LDB2: variants seen among roughly 807,000 people sequenced by gnomAD.
LDB2 encodes LIM domain binding 2, also known as LIM domain-binding protein 2.
LDB2 carries 12 observed loss-of-function variants against 44.3 expected under a neutral mutation model. The observed-to-expected ratio is 0.27, with a 90% CI of 0.17 to 0.44. The LOEUF (loss-of-function observed/expected upper bound fraction) is 0.44. Ranked by LOEUF, LDB2 falls within the 20% of genes least tolerant of loss-of-function variation. The probability of loss-of-function intolerance (pLI) is 1.00; values close to 1 mark genes in which losing one functional copy is unlikely to be tolerated. For missense variants in LDB2, 344 were observed against 473.5 expected, an observed-to-expected ratio of 0.73 and a Z score of 2.54; for synonymous variants, 164 against 174.8, an observed-to-expected ratio of 0.94 and a Z score of 0.49.
chr4:16,716,198 CT>C (rs1432954034), intron 2 of LDB2, among the ~76,000 whole-genome samples: 10 of 152,254 alleles, frequency 6.6e-5, no homozygotes, highest in Non-Finnish European at 1.3e-4. Context: ...GAGCTTTAAG[CT>C]TTCAAAGAGG....
rs575369630 is a variant in LDB2, at chr4:16,690,291, T to A, written c.235+68867A>T. 2.2e-4 allele frequency among the ~76,000 whole-genome samples: 33 copies of A among 151,446 alleles called. No homozygotes were observed. The South Asian group carries it at 6.9e-3, about 32-fold the overall frequency. Reference sequence around the variant, plus strand: ...GCCTGGGCAACATGAGAAAACACCATCTCTACTAAAAATACAAAAAAATTA... The same window carrying A: ...GCCTGGGCAACATGAGAAAACACCAACTCTACTAAAAATACAAAAAAATTA... On this transcript the variant is annotated intron_variant, in intron 2 of 7. Coordinates refer to ENST00000304523, the MANE Select transcript of LDB2 (RefSeq NM_001290.5).
chr4:16,894,964 C>T (rs1724485807), intron 1 of LDB2, among the ~76,000 whole-genome samples: 1 of 151,738 alleles, frequency 6.6e-6, no homozygotes, highest in Non-Finnish European at 1.5e-5. Context: ...AGGAAAAATA[C>T]ATAACGGAAC....
intron 1 of LDB2, among the ~76,000 whole-genome samples, chr4:16,802,175 C>T (rs1777960912): frequency 6.6e-6 from 1 of 152,222 alleles, no homozygotes; most frequent in African/African-American, 2.4e-5. Context: ...GGACGCCCAT[C>T]CTCTTTGTGG....
intron 2 of LDB2, among the ~76,000 whole-genome samples, chr4:16,608,206 CAAAAAAAAAAAA>C (rs71649969): frequency 3.4e-4 from 23 of 68,502 alleles, no homozygotes; most frequent in African/African-American, 1.2e-3. Flanking sequence ...CACACTTCTT[CAAAAAAAAAAAA>C]AAAAAAAAAA....
chr4:16,692,093 T>C (rs2152601505), intron 2 of LDB2, among the ~76,000 whole-genome samples: 1 of 152,110 alleles, frequency 6.6e-6, no homozygotes, highest in Non-Finnish European at 1.5e-5. Context: ...AGATTGAAAG[T>C]AGCAGCCTTT....
intron 5 of LDB2, among the ~76,000 whole-genome samples, chr4:16,580,893 A>G (rs1714110610): frequency 2.6e-5 from 4 of 152,210 alleles, no homozygotes; most frequent in Admixed American, 1.3e-4. Context: ...GACATCAATT[A>G]CTTCTCCAAT....
intron 1 of LDB2, among the ~76,000 whole-genome samples, chr4:16,826,276 GA>G (rs1335251368): frequency 6.6e-6 from 1 of 152,158 alleles, no homozygotes; most frequent in African/African-American, 2.4e-5. Context: ...GTCACAGAAT[GA>G]AAGTCTTCAG....
chr4:16,627,282 T>G (rs1730534190), intron 2 of LDB2, among the ~76,000 whole-genome samples: 1 of 152,186 alleles, frequency 6.6e-6, no homozygotes, highest in South Asian at 2.1e-4. Flanking sequence ...TAAATGTGTG[T>G]GGTAATTATT....
At chr4:16,642,457 A>G (rs573561559) in intron 2 of LDB2, among the ~76,000 whole-genome samples, 1 of 152,374 alleles carries the variant, frequency 6.6e-6, no homozygotes, top group African/African-American at 2.4e-5. Context: ...ACATGAATTT[A>G]GTAAACTTAG....
intron 1 of LDB2, among the ~76,000 whole-genome samples, chr4:16,777,294 G>C (rs1772144499): frequency 6.6e-6 from 1 of 152,172 alleles, no homozygotes; most frequent in East Asian, 1.9e-4. Flanking sequence ...CTCATGGTCT[G>C]GGAGGTGAGA....
intron 2 of LDB2, among the ~76,000 whole-genome samples, chr4:16,615,695 C>T (rs1386075445): frequency 1.3e-5 from 2 of 152,038 alleles, no homozygotes; most frequent in African/African-American, 4.8e-5. Context: ...AACAAACCTG[C>T]ACATTCTGCA....
chr4:16,756,130 G>A (rs552954598), intron 2 of LDB2, among the ~76,000 whole-genome samples: 10 of 152,150 alleles, frequency 6.6e-5, no homozygotes, highest in African/African-American at 1.9e-4. Flanking sequence ...TTATACTGCC[G>A]GGACTTTTGT....
Position 16,673,383 on chromosome 4 carries a change from C to G in LDB2, c.236-77508G>C, listed in dbSNP as rs539633795. Among the ~76,000 whole-genome samples the G allele has an allele frequency of 7.4e-4, 112 of 152,230 alleles. 1 individual carries two copies. Among genetic ancestry groups the G allele is most frequent in the African/African-American group, 2.6e-3 (107 of 41,538 alleles). ...AATAATTATTAGAAGTAGTAGAACT[C>G]CAAAGTCAAGGTTACTCCTGCTGCT... On this transcript the variant is annotated intron_variant, in intron 2 of 7. Transcript: ENST00000304523.
chr4:16,628,727 C>A (rs1361734167), intron 2 of LDB2, among the ~76,000 whole-genome samples: 2 of 152,010 alleles, frequency 1.3e-5, no homozygotes, highest in Non-Finnish European at 2.9e-5. Context: ...AACTGAGGTA[C>A]CTGGTTCATC....
At chr4:16,594,693 C>A (rs1446858189) in intron 3 of LDB2, among the ~76,000 whole-genome samples, 1 of 152,170 alleles carries the variant, frequency 6.6e-6, no homozygotes, top group African/African-American at 2.4e-5. Flanking sequence ...AGCAAAATTG[C>A]ATAAGTAATA....
At position 16,568,422 on chromosome 4, in the gene LDB2, G is replaced by A. The variant is rs553206062; in HGVS notation, c.615+17500C>T. ...GAGAATGGACATTGAGGGTAAGTGAGGGATGTCTGTTTTTGCAAGAGAACC... is the reference window on the plus strand; with the variant it reads ...GAGAATGGACATTGAGGGTAAGTGAAGGATGTCTGTTTTTGCAAGAGAACC... On this transcript the variant is annotated intron_variant, in intron 5 of 7. Transcript: ENST00000304523. 6.6e-5 allele frequency among the ~76,000 whole-genome samples: 10 copies of A among 152,298 alleles called. No homozygotes were observed. In the East Asian group the frequency reaches 1.9e-3, roughly 29 times the overall value.
At chr4:16,804,734 G>A (rs939005780) in intron 1 of LDB2, among the ~76,000 whole-genome samples, 3 of 152,188 alleles carry the variant, frequency 2.0e-5, no homozygotes, top group Non-Finnish European at 2.9e-5. Flanking sequence ...TGCCATTTGG[G>A]AGGAGAGCTA....
chr4:16,652,191 C>A (rs1024801426), intron 2 of LDB2, among the ~76,000 whole-genome samples: 1 of 152,142 alleles, frequency 6.6e-6, no homozygotes, highest in Admixed American at 6.5e-5. Context: ...AAGTGATCCT[C>A]CCACCTTGCC....
chr4:16,872,543 T>G (rs1300673572), intron 1 of LDB2, among the ~76,000 whole-genome samples: 1 of 152,180 alleles, frequency 6.6e-6, no homozygotes, highest in Non-Finnish European at 1.5e-5. Context: ...TCACTGCTTC[T>G]TTTTCTCTTG....
Sources: allele counts gnomAD v4.1 joint callset (sites outside exome capture counted in the v4.1 genomes callset), GRCh38; gene constraint gnomAD v4.1.1; transcripts MANE v1.5; gene names NCBI Gene and HGNC (gene_info 2026-07-23, HGNC 2026-07-21).